Variants in ACSL1 observed in about 807,000 individuals in gnomAD.
ACSL1 encodes acyl-CoA synthetase long chain family member 1, also known as long-chain-fatty-acid--CoA ligase 1.
ACSL1 carries 41 observed loss-of-function variants against 98.4 expected under a neutral mutation model. That is an observed-to-expected ratio of 0.42 (90% CI 0.32 to 0.54). The LOEUF (loss-of-function observed/expected upper bound fraction) is 0.54. ACSL1 is among the 20% of genes least tolerant of loss of function. ACSL1 has a pLI of 0.13. For missense variants in ACSL1, 734 were observed against 883.1 expected (o/e 0.83, Z 2.14); for synonymous variants, 316 against 322.7 (o/e 0.98, Z 0.22).
In ACSL1 at chr4:184,803,303, C is replaced by A. The variant is rs142926085; in HGVS notation, c.195+17G>T. On this transcript the variant is annotated intron_variant, in intron 2 of 20. Transcript: ENST00000281455. The surrounding 1 kb of genome is among the most constrained non-coding windows in gnomAD (Gnocchi z 4.8). ...ATGCGGAGAAAACGCACGAGGCAGGCTGGGCCCTCCACTCACCGCCACTTC... is the reference window on the plus strand; with the variant it reads ...ATGCGGAGAAAACGCACGAGGCAGGATGGGCCCTCCACTCACCGCCACTTC... The A allele has an allele frequency of 6.5e-7, 1 of 1,542,928 alleles. No homozygotes were observed. The highest frequency in any genetic ancestry group is 8.8e-7 in the Non-Finnish European group (1 of 1,141,572).
intron 4 of ACSL1, among the ~76,000 whole-genome samples, chr4:184,781,847 G>A (rs975610262): frequency 6.6e-6 from 1 of 152,214 alleles, no homozygotes; most frequent in Non-Finnish European, 1.5e-5. Flanking sequence ...CTGACCTCAG[G>A]TGATCTGCCC....
chr4:184,783,562 A>C (rs866991876), intron 4 of ACSL1, among the ~76,000 whole-genome samples: 7 of 152,322 alleles, frequency 4.6e-5, no homozygotes, highest in Middle Eastern at 6.8e-3. Context: ...CTGTGAAATG[A>C]AGATGTATTC....
At chr4:184,824,738 A>G (rs982326781) in intron 1 of ACSL1, among the ~76,000 whole-genome samples, 6 of 152,196 alleles carry the variant, frequency 3.9e-5, no homozygotes, top group African/African-American at 1.4e-4. Context: ...GGTTCCTTAA[A>G]AAGCTCCATC....
chr4:184,776,974 T>C lies in ACSL1; in HGVS notation c.487A>G (p.Ile163Val), dbSNP rs1765384834. Residue 163 changes from isoleucine (I) to valine (V), a missense_variant, in exon 6 of 21, where the codon ATT becomes GTT. Coordinates refer to ENST00000281455, the MANE Select transcript of ACSL1 (RefSeq NM_001995.5). ...GAATAAGCAAAGCATCCTTGTTCAA[T>C]AATCACCCACTAAACAAACAGTAAA... Reference protein sequence around the residue: ...FAQNRPEWVIIEQGCFAYSMV... With the variant: ...FAQNRPEWVIVEQGCFAYSMV... 1.2e-6 allele frequency: 2 copies of C among 1,614,020 alleles called. No homozygotes were observed. Among genetic ancestry groups the C allele is most frequent in the Non-Finnish European group, 1.7e-6 (2 of 1,179,954 alleles).
chr4:184,804,762 C>A (rs1561236685), intron 1 of ACSL1, among the ~76,000 whole-genome samples: 1 of 152,058 alleles, frequency 6.6e-6, no homozygotes, highest in East Asian at 1.9e-4. Flanking sequence ...AAATGACTCA[C>A]ATAAAGAGGT....
chr4:184,760,455 G>A lies in ACSL1; in HGVS notation c.1684C>T (p.Leu562=). The change falls in exon 18 of 21, where the codon CTG becomes TTG. Residue 562 remains leucine (L), a synonymous_variant. Transcript: ENST00000281455. ...IIDRKKHIFK[L]AQGEYIAPEK... is the part of the protein sequence containing the mutation. ...GGGGCTATGTATTCTCCTTGTGCCA[G>A]CTTAAATATGTGCTTTTTCCGGTCG... 1 of 1,614,106 alleles carries A rather than the reference G, an allele frequency of 6.2e-7. No individual in the cohort carries two copies. Among genetic ancestry groups the A allele is most frequent in the Non-Finnish European group, 8.5e-7 (1 of 1,179,994 alleles).
chr4:184,806,220 G>A (rs190381301), intron 1 of ACSL1, among the ~76,000 whole-genome samples: 155 of 152,302 alleles, frequency 1.0e-3, no homozygotes, highest in African/African-American at 3.6e-3. Flanking sequence ...TTCTGAGGAA[G>A]GGATGTACAC....
In ACSL1 at chr4:184,803,281, C is replaced by A. The variant is rs368438422; in HGVS notation, c.195+39G>T. 2 of 1,474,332 alleles carry A rather than the reference C, an allele frequency of 1.4e-6. No individual in the cohort carries two copies. Among genetic ancestry groups the A allele is most frequent in the South Asian group, 2.8e-5 (2 of 72,462 alleles). The allele number at this position is 1,474,332 out of a possible 1,614,324, so 91.3% of individuals were successfully genotyped here. A position where few individuals can be genotyped will look rare whatever the true frequency, so the allele number is the denominator to read the frequency against. ...AGGGCTCAGCTCATCTGGGGAAATG[C>A]GGAGAAAACGCACGAGGCAGGCTGG... On this transcript the variant is annotated intron_variant, in intron 2 of 20. Transcript: ENST00000281455. The surrounding 1 kb of genome is among the most constrained non-coding windows in gnomAD (Gnocchi z 4.8).
Position 184,773,222 on chromosome 4 carries a change from A to C in ACSL1, c.842-68T>G. 21 of 1,431,642 alleles carry C rather than the reference A, an allele frequency of 1.5e-5. No individual in the cohort carries two copies. The highest frequency in any genetic ancestry group is 2.0e-5 in the Non-Finnish European group (20 of 1,019,826). 88.7% of individuals were successfully genotyped at this position (1,431,642 alleles called of 1,614,324 possible). A position where few individuals can be genotyped will look rare whatever the true frequency, so the allele number is the denominator to read the frequency against. On this transcript the variant is annotated intron_variant, in intron 9 of 20. Coordinates refer to ENST00000281455, the MANE Select transcript of ACSL1 (RefSeq NM_001995.5). The surrounding 1 kb of genome is among the most constrained non-coding windows in gnomAD (Gnocchi z 4.3). ...GAAATGAAGGAGGCCCAGAAACCTC[A>C]CATAATTAGGGCTTCAGACACCTCT...
chr4:184,760,261 T>C (rs1561170290), intron 18 of ACSL1, 96 bp downstream of exon 18: 3 of 1,387,172 alleles, frequency 2.2e-6, no homozygotes, highest in Non-Finnish European at 3.0e-6. Context: ...AGCCAAGTGA[T>C]AGGCGTCTCA....
At chr4:184,807,149 G>A (rs1771536611) in intron 1 of ACSL1, among the ~76,000 whole-genome samples, 1 of 152,224 alleles carries the variant, frequency 6.6e-6, no homozygotes, top group African/African-American at 2.4e-5. Context: ...GGGTCTCTAA[G>A]AAGGACTAAG....
At chr4:184,784,119 T>C in intron 3 of ACSL1, 128 bp from the exon 4 acceptor site, 1 of 705,886 alleles carries the variant, frequency 1.4e-6, no homozygotes, top group Non-Finnish European at 2.4e-6. Flanking sequence ...AGATAAGAAA[T>C]GGTGGCTTCA....
chr4:184,768,564 T>G, intron 11 of ACSL1, 114 bp from the exon 12 acceptor site: 1 of 1,421,596 alleles, frequency 7.0e-7, no homozygotes, highest in Non-Finnish European at 9.4e-7. Flanking sequence ...CCAGAAATCT[T>G]AAATTTCCTA....
intron 17 of ACSL1, among the ~76,000 whole-genome samples, chr4:184,760,829 G>A (rs948549604): frequency 5.3e-5 from 8 of 152,190 alleles, no homozygotes; most frequent in African/African-American, 1.7e-4. Context: ...TGAATTAGGC[G>A]CATACACATC....
rs1773383181 is a variant in ACSL1 at position 184,825,347 on chromosome 4, G to A, written c.-33+569C>T. ...GTGCAAGGGCCACGGGCACTCCTCT[G>A]GAGTCACCGAGAGAATGTCTGCCTC... On this transcript the variant is annotated intron_variant, in intron 1 of 20. Transcript: ENST00000281455. This position sits in a 1 kb window ranked among gnomAD's most constrained non-coding sequence, Gnocchi z 4.7. The A allele has an allele frequency of 1.5e-6, 1 of 646,758 alleles. No individual in the cohort carries two copies. Among genetic ancestry groups the A allele is most frequent in the African/African-American group, 2.0e-5 (1 of 50,722 alleles). The allele number at this position is 646,758 out of a possible 1,614,324, so 40.1% of individuals were successfully genotyped here. A position where few individuals can be genotyped will look rare whatever the true frequency, so the allele number is the denominator to read the frequency against.
Position 184,773,055 on chromosome 4 carries a change from A to G in ACSL1, c.915+26T>C. 6.2e-7 allele frequency: 1 copy of G among 1,604,164 alleles called. No individual in the cohort carries two copies. The highest frequency in any genetic ancestry group is 8.5e-7 in the Non-Finnish European group (1 of 1,171,096). On this transcript the variant is annotated intron_variant, in intron 10 of 20. Transcript: ENST00000281455. The surrounding 1 kb of genome is among the most constrained non-coding windows in gnomAD (Gnocchi z 4.3). Reference sequence around the variant, plus strand: ...AAGGACTAATGTCAATCAATGAGGAAAGATGACGACATCCCAAAAAGTTAC... The same window carrying G: ...AAGGACTAATGTCAATCAATGAGGAGAGATGACGACATCCCAAAAAGTTAC...
At position 184,757,638 on chromosome 4, in the gene ACSL1, T is replaced by C; in HGVS notation, c.1953A>G (p.Glu651=). The C allele has an allele frequency of 6.2e-7, 1 of 1,613,678 alleles. No homozygotes were observed. Among genetic ancestry groups the C allele is most frequent in the South Asian group, 1.1e-5 (1 of 90,968 alleles). ...LGKDSGLKPF[E]QVKGITLHPE... The stretch of plus-strand genomic sequence containing the variant: ...CCCACTCAGATGAAGGTCATACCTG[T>C]TCAAATGGTTTCAGACCAGAATCCT... Residue 651 remains glutamate (E), a synonymous_variant, in exon 20 of 21, where the codon GAA becomes GAG. Coordinates refer to ENST00000281455, the MANE Select transcript of ACSL1 (RefSeq NM_001995.5). The surrounding 1 kb of genome is among the most constrained non-coding windows in gnomAD (Gnocchi z 4.5).
chr4:184,780,396 A>G lies in ACSL1; in HGVS notation c.413T>C (p.Ile138Thr), dbSNP rs1766047412. ...TGGGGCAGTCTTGAAGCCCTTCTGG[A>G]TCAGTGCTGAGCCTATGCACTCCGA... is the stretch of plus-strand genomic sequence containing the variant. ...ELSECIGSAL[I>T]QKGFKTAPDQ... Residue 138 changes from isoleucine to threonine, a missense_variant, in exon 5 of 21, where the codon ATC (isoleucine) becomes ACC (threonine). By Grantham distance (89) the Ile-to-Thr change is moderately conservative. Transcript: ENST00000281455. The G allele has an allele frequency of 2.5e-6, 4 of 1,613,596 alleles. No individual in the cohort carries two copies. The highest frequency in any genetic ancestry group is 1.7e-4 in the Middle Eastern group (1 of 6,060).
chr4:184,771,729 G>C (rs1387961154), intron 10 of ACSL1, among the ~76,000 whole-genome samples: 4 of 152,128 alleles, frequency 2.6e-5, no homozygotes, highest in Non-Finnish European at 5.9e-5. Flanking sequence ...CGTTACCTAG[G>C]GGATGATATA....
Sources: allele counts gnomAD v4.1 joint callset (sites outside exome capture counted in the v4.1 genomes callset), GRCh38; gene constraint gnomAD v4.1.1; non-coding constraint Gnocchi (gnomAD v3.1); transcripts MANE v1.5; gene names NCBI Gene and HGNC (gene_info 2026-07-23, HGNC 2026-07-21).